Variants in LRMDA observed in about 807,000 individuals in gnomAD.
LRMDA encodes the protein leucine-rich melanocyte differentiation-associated protein.
Under a neutral mutation model 29.8 loss-of-function variants are expected in LRMDA, and 18 were observed. That is an observed-to-expected ratio of 0.60 (90% CI 0.42 to 0.90). LRMDA has a LOEUF of 0.90. Among genes scored for constraint, LRMDA ranks in the 40% least tolerant of loss-of-function variants. LRMDA has a pLI of 0.00. For synonymous variants in LRMDA, 125 were observed against 109.4 expected, an observed-to-expected ratio of 1.14 and a Z score of -0.89; for missense variants, 273 against 273.9, an observed-to-expected ratio of 1.00 and a Z score of 0.02.
intron 5 of LRMDA, among the ~76,000 whole-genome samples, chr10:76,234,073 G>A (rs1411861840): frequency 6.6e-6 from 1 of 152,136 alleles, no homozygotes; most frequent in African/African-American, 2.4e-5. Context: ...CTATGGCAGC[G>A]ATAGCCTTAC....
At chr10:76,278,437 A>G (rs867930818) in intron 5 of LRMDA, among the ~76,000 whole-genome samples, 8 of 152,144 alleles carry the variant, frequency 5.3e-5, no homozygotes, top group Admixed American at 1.3e-4. Context: ...TATTATCATC[A>G]CTCATGTCCC....
chr10:76,221,491 T>C (rs1432099092), intron 5 of LRMDA, among the ~76,000 whole-genome samples: 2 of 151,926 alleles, frequency 1.3e-5, no homozygotes, highest in Non-Finnish European at 2.9e-5. Flanking sequence ...GACAGAGAGC[T>C]AAATCGTGAG....
chr10:76,529,559 T>C (rs1183591012), intron 6 of LRMDA, among the ~76,000 whole-genome samples: 2 of 152,152 alleles, frequency 1.3e-5, no homozygotes, highest in Non-Finnish European at 2.9e-5. Context: ...CTGTTAAAAA[T>C]GTAGATGTCT....
At chr10:75,656,388 C>G (rs1413931506) in intron 2 of LRMDA, among the ~76,000 whole-genome samples, 4 of 152,196 alleles carry the variant, frequency 2.6e-5, no homozygotes, top group Non-Finnish European at 5.9e-5. Context: ...GTACCCACTT[C>G]CTATGATTCC....
chr10:75,518,736 T>C (rs1179366460), intron 2 of LRMDA, among the ~76,000 whole-genome samples: 2 of 152,222 alleles, frequency 1.3e-5, no homozygotes, highest in East Asian at 3.8e-4. Context: ...TTTCTTGCCT[T>C]CTGCTAGCTT....
At chr10:76,478,598 G>A (rs371979027) in intron 6 of LRMDA, among the ~76,000 whole-genome samples, 11 of 152,028 alleles carry the variant, frequency 7.2e-5, no homozygotes, top group African/African-American at 2.2e-4. Context: ...ACATGTACAC[G>A]TATGTTTATT....
At chr10:75,527,317 A>C (rs993476659) in intron 2 of LRMDA, among the ~76,000 whole-genome samples, 7 of 152,124 alleles carry the variant, frequency 4.6e-5, no homozygotes, top group African/African-American at 1.7e-4. Context: ...TTGATTTTAC[A>C]TTTTGCTATT....
At chr10:75,476,613 A>G (rs925976586) in intron 2 of LRMDA, among the ~76,000 whole-genome samples, 2 of 152,136 alleles carry the variant, frequency 1.3e-5, no homozygotes, top group Admixed American at 6.5e-5. Flanking sequence ...TGTCTGTAGA[A>G]TCTAGGCCAA....
chr10:75,460,635 A>T (rs1257328323), intron 2 of LRMDA, among the ~76,000 whole-genome samples: 1 of 152,176 alleles, frequency 6.6e-6, no homozygotes, highest in Non-Finnish European at 1.5e-5. Context: ...ATACAGAAAA[A>T]CATACCAAAG....
intron 6 of LRMDA, among the ~76,000 whole-genome samples, chr10:76,492,681 C>T (rs112321685): frequency 1.3e-5 from 2 of 152,040 alleles, no homozygotes; most frequent in African/African-American, 4.8e-5. Flanking sequence ...GTTTAATTGA[C>T]TCACAGTTCT....
intron 2 of LRMDA, among the ~76,000 whole-genome samples, chr10:76,013,922 C>G (rs895587535): frequency 6.6e-6 from 1 of 150,916 alleles, no homozygotes; most frequent in South Asian, 2.1e-4. Context: ...GCTGCTTGAA[C>G]CTTCTCAGCC....
chr10:76,427,296 T>A (rs1332293275), intron 6 of LRMDA, among the ~76,000 whole-genome samples: 1 of 152,072 alleles, frequency 6.6e-6, no homozygotes, highest in Non-Finnish European at 1.5e-5. Flanking sequence ...TGGTTTGTAG[T>A]TCTCCTTGAA....
chr10:75,953,492 G>A (rs1846613031), intron 2 of LRMDA, among the ~76,000 whole-genome samples: 1 of 152,090 alleles, frequency 6.6e-6, no homozygotes, highest in Non-Finnish European at 1.5e-5. Context: ...AAACCCTCCT[G>A]CATTTTCACT....
chr10:75,667,684 C>T lies in LRMDA; in HGVS notation c.131+229190C>T, dbSNP rs182462974. On this transcript the variant is annotated intron_variant, in intron 2 of 6. Transcript: ENST00000611255. ...ACTTCTTCTACTTTGGGCTTTGGGC[C>T]CTGTTCCTCTATTTCTAGAATCAGC... Among the ~76,000 whole-genome samples, 317 of 152,182 alleles carry T rather than the reference C, an allele frequency of 2.1e-3. 3 individuals carry two copies. Among genetic ancestry groups the T allele is most frequent in the South Asian group, 0.018 (88 of 4,820 alleles).
chr10:76,328,572 G>A (rs144435127), intron 6 of LRMDA, among the ~76,000 whole-genome samples: 14 of 152,292 alleles, frequency 9.2e-5, no homozygotes, highest in African/African-American at 3.4e-4. Flanking sequence ...TGCGTATGAA[G>A]CAAGTGTAGG....
intron 5 of LRMDA, among the ~76,000 whole-genome samples, chr10:76,145,671 T>G (rs1284110476): frequency 2.7e-5 from 4 of 150,676 alleles, no homozygotes; most frequent in African/African-American, 9.8e-5. Flanking sequence ...TTTGAAGGTA[T>G]TTTTGTGTCT....
chr10:75,577,308 A>T (rs1026241034), intron 2 of LRMDA, among the ~76,000 whole-genome samples: 2 of 152,208 alleles, frequency 1.3e-5, no homozygotes, highest in Non-Finnish European at 2.9e-5. Flanking sequence ...AGATCAACTC[A>T]ATGAAATAAA....
chr10:76,412,678 C>G (rs1013487815), intron 6 of LRMDA, among the ~76,000 whole-genome samples: 9 of 152,142 alleles, frequency 5.9e-5, no homozygotes, highest in African/African-American at 1.7e-4. Flanking sequence ...CATTCTTAGT[C>G]TCTAAGATGT....
At chr10:76,139,451 A>G (rs749336693) in intron 5 of LRMDA, among the ~76,000 whole-genome samples, 2 of 152,100 alleles carry the variant, frequency 1.3e-5, no homozygotes, top group Non-Finnish European at 2.9e-5. Flanking sequence ...GCACATGCTT[A>G]CTTACTCTGG....
Sources: allele counts gnomAD v4.1 joint callset (sites outside exome capture counted in the v4.1 genomes callset), GRCh38; gene constraint gnomAD v4.1.1; transcripts MANE v1.5; gene names NCBI Gene and HGNC (gene_info 2026-07-23, HGNC 2026-07-21).